PRCD: variants seen among roughly 807,000 people sequenced by gnomAD.
PRCD encodes photoreceptor disc component.
A neutral mutation model predicts 10.1 loss-of-function variants in PRCD; 12 were observed. That is an observed-to-expected ratio of 1.18 (90% CI 0.76 to 1.92). The LOEUF (loss-of-function observed/expected upper bound fraction) is 1.92, where lower values mean the gene tolerates loss of function less well. Ranked by LOEUF, PRCD falls within the 40% of genes most tolerant of loss-of-function variation. PRCD has a pLI of 0.00. For missense variants in PRCD, 61 were observed against 72.2 expected, an observed-to-expected ratio of 0.84 and a Z score of 0.56; for synonymous variants, 31 against 26.2, an observed-to-expected ratio of 1.18 and a Z score of -0.56.
At chr17:76,538,505 C>T, upstream of PRCD, 1 of 466,924 alleles carries the variant, frequency 2.1e-6, no homozygotes, top group Non-Finnish European at 4.4e-6. Flanking sequence ...ATGACACGGA[C>T]AGGCAAGAAC....
rs4648339 is a variant in PRCD at position 76,545,055 on chromosome 17, C to G, written c.*1405C>G. On this transcript the variant is annotated 3_prime_UTR_variant, in exon 5 of 5. Transcript: ENST00000592014. ...TGGGCAGCTGGGGTGCCATGTGGGC[C>G]GGGTGGGGGGGCTGTCTCCCCCAGG... 48 of 438,046 alleles carry G rather than the reference C, an allele frequency of 1.1e-4. No individual in the cohort carries two copies. Among genetic ancestry groups the G allele is most frequent in the Middle Eastern group, 5.0e-4 (1 of 2,000 alleles). 27.1% of individuals were successfully genotyped at this position (438,046 alleles called of 1,614,324 possible). A position where few individuals can be genotyped will look rare whatever the true frequency, so the allele number is the denominator to read the frequency against.
At position 76,531,384 on chromosome 17, in the gene PRCD, C is replaced by T. The variant is rs577119680; in HGVS notation, n.45+3551C>T. On this transcript the variant is annotated intron_variant and non_coding_transcript_variant, in intron 1 of 4. Transcript: ENST00000397633. This position sits in a 1 kb window ranked among gnomAD's most constrained non-coding sequence, Gnocchi z 7.4. ...GATCACCTCTGTTGCTCCAGAGAGC[C>T]GTCGCAGAGCCTGCGAGCTGCAGAT... 326 of 1,518,930 alleles carry T rather than the reference C, an allele frequency of 2.1e-4. No homozygotes were observed. Among genetic ancestry groups the T allele is most frequent in the Non-Finnish European group, 2.8e-4 (313 of 1,113,002 alleles). 94.1% of individuals were successfully genotyped at this position (1,518,930 alleles called of 1,614,324 possible).
rs1277433623 is a variant in PRCD, at chr17:76,540,249, G to GT, written c.74+35dup. On this transcript the variant is annotated intron_variant, in intron 1 of 4. Coordinates refer to ENST00000592014, the MANE Select transcript of PRCD (RefSeq NM_001077620.3). This position sits in a 1 kb window ranked among gnomAD's most constrained non-coding sequence, Gnocchi z 5.0. The stretch of plus-strand genomic sequence containing the variant: ...CTGACCGGGCTATGGCTGGCGGTTG[G>GT]TCGGGGGGGGGGGGCATGGGGCTGG... 1.2e-5 allele frequency: 17 copies of GT among 1,411,660 alleles called. No homozygotes were observed. Among genetic ancestry groups the GT allele is most frequent in the South Asian group, 6.3e-5 (5 of 79,398 alleles). The allele number at this position is 1,411,660 out of a possible 1,614,324, so 87.4% of individuals were successfully genotyped here.
upstream of PRCD, among the ~76,000 whole-genome samples, chr17:76,538,832 C>T (rs929221419): frequency 6.6e-6 from 1 of 152,270 alleles, no homozygotes; most frequent in African/African-American, 2.4e-5. Flanking sequence ...AGAGATGTCA[C>T]TCAGGCTCCC....
chr17:76,529,913 G>C (rs561667310), intron 1 of PRCD: 14 of 985,336 alleles, frequency 1.4e-5, no homozygotes, highest in African/African-American at 5.2e-5. Flanking sequence ...TGACGGGAGA[G>C]GGGGGAGGGG....
intron 1 of PRCD, chr17:76,529,232 C>T (rs2074804504): frequency 2.0e-6 from 2 of 985,458 alleles, no homozygotes; most frequent in African/African-American, 1.7e-5. Flanking sequence ...GGAGGCTCTG[C>T]AGGCTCAGGC....
upstream of PRCD, chr17:76,537,521 T>C (rs754976894): frequency 6.4e-7 from 1 of 1,570,554 alleles, no homozygotes; most frequent in Non-Finnish European, 8.6e-7. Context: ...TCGATCTCCA[T>C]CTCGCCTGGC....
At chr17:76,547,667 TCACA>T (rs1232013661), downstream of PRCD, among the ~76,000 whole-genome samples, 1 of 130,562 alleles carries the variant, frequency 7.7e-6, no homozygotes, top group Admixed American at 7.3e-5. Flanking sequence ...ACACACATAT[TCACA>T]CACAGAGACA....
In PRCD at chr17:76,540,665, G is replaced by T. The variant is rs905206727; in HGVS notation, c.143+92G>T. The T allele has an allele frequency of 2.0e-5, 25 of 1,273,934 alleles. No individual in the cohort carries two copies. The African/African-American group carries it at 3.4e-4, about 17-fold the overall frequency. The allele number at this position is 1,273,934 out of a possible 1,614,324, so 78.9% of individuals were successfully genotyped here. ...GGGGTGCACGTGTGTGCCTGTGCGCGCCTGTGCGTGCACCGTATCCTGGCC... is the reference window on the plus strand; with the variant it reads ...GGGGTGCACGTGTGTGCCTGTGCGCTCCTGTGCGTGCACCGTATCCTGGCC... On this transcript the variant is annotated intron_variant, in intron 2 of 4. Coordinates refer to ENST00000592014, the MANE Select transcript of PRCD (RefSeq NM_001077620.3). This position sits in a 1 kb window ranked among gnomAD's most constrained non-coding sequence, Gnocchi z 5.0.
Position 76,530,168 on chromosome 17 carries a change from G to A in PRCD, n.45+2335G>A, listed in dbSNP as rs1022930175. The A allele has an allele frequency of 3.8e-5, 33 of 876,508 alleles. No homozygotes were observed. Among genetic ancestry groups the A allele is most frequent in the Non-Finnish European group, 4.2e-5 (31 of 730,710 alleles). The allele number at this position is 876,508 out of a possible 1,614,324, so 54.3% of individuals were successfully genotyped here. A position where few individuals can be genotyped will look rare whatever the true frequency, so the allele number is the denominator to read the frequency against. On this transcript the variant is annotated intron_variant and non_coding_transcript_variant, in intron 1 of 4. Transcript: ENST00000397633. This position sits in a 1 kb window ranked among gnomAD's most constrained non-coding sequence, Gnocchi z 6.1. ...TGTCCCGGGCTGCTGGCTGACCTCT[G>A]CTTCCCATTCCCGCCTCCGCTCCTC...
At chr17:76,547,981 T>G (rs1437747777), downstream of PRCD, among the ~76,000 whole-genome samples, 1 of 148,508 alleles carries the variant, frequency 6.7e-6, no homozygotes, top group Admixed American at 6.7e-5. Context: ...AACATACACA[T>G]ACATACACAT....
rs1409634962 is a variant in PRCD, at chr17:76,540,204, C to G, written c.63C>G (p.Asn21Lys). The G allele has an allele frequency of 6.3e-7, 1 of 1,599,558 alleles. No individual in the cohort carries two copies. Among genetic ancestry groups the G allele is most frequent in the African/African-American group, 1.4e-5 (1 of 73,008 alleles). ...LAMLWRRRFANRVQPEPSDVD... is the reference protein window; with the variant it reads ...LAMLWRRRFAKRVQPEPSDVD... ...TGCTCTGGCGCCGCCGATTTGCCAA[C>G]CGAGTCCAACCGTGAGAAACTGACC... Residue 21 changes from asparagine to lysine, a missense_variant, in exon 1 of 5, where the codon AAC becomes AAG. Transcript: ENST00000592014. This position sits in a 1 kb window ranked among gnomAD's most constrained non-coding sequence, Gnocchi z 5.0.
chr17:76,527,970 A>G, intron 1 of PRCD: 1 of 372,126 alleles, frequency 2.7e-6, no homozygotes, highest in South Asian at 2.0e-5. Flanking sequence ...CTGCCCCTCC[A>G]GGCCCAGGTC....
rs761737758 is a variant in PRCD at position 76,531,682 on chromosome 17, C to A, written n.45+3849C>A. On this transcript the variant is annotated intron_variant and non_coding_transcript_variant, in intron 1 of 4. Transcript: ENST00000397633. The surrounding 1 kb of genome is among the most constrained non-coding windows in gnomAD (Gnocchi z 7.4). ...AGTACTGCTTGGCCGAGGGGAAGTT[C>A]ACAAAGAACCTGGCAAGAGGAACAG... The A allele has an allele frequency of 1.3e-6, 2 of 1,593,386 alleles. No individual in the cohort carries two copies. The highest frequency in any genetic ancestry group is 1.7e-6 in the Non-Finnish European group (2 of 1,163,478).
rs773905784 is a variant in PRCD, at chr17:76,543,756, G to C, written c.*153-47G>C. 4 of 469,944 alleles carry C rather than the reference G, an allele frequency of 8.5e-6. No homozygotes were observed. The East Asian group carries it at 2.1e-4, about 24-fold the overall frequency. 29.1% of individuals were successfully genotyped at this position (469,944 alleles called of 1,614,324 possible). The stretch of plus-strand genomic sequence containing the variant: ...ACTTGTGGTCCGAGGTGCTGGTGTC[G>C]GTTTGCCACAGTGGCACTCGCTTTT... On this transcript the variant is annotated intron_variant, in intron 4 of 4. Transcript: ENST00000592014.
chr17:76,545,710 A>G (rs1016251090), downstream of PRCD: 19 of 274,728 alleles, frequency 6.9e-5, no homozygotes, highest in African/African-American at 4.2e-4. Flanking sequence ...TCTGTCTCTT[A>G]GAGTTGTAAG....
chr17:76,548,212 T>C (rs962349512), downstream of PRCD, among the ~76,000 whole-genome samples: 4 of 151,426 alleles, frequency 2.6e-5, no homozygotes, highest in African/African-American at 9.7e-5. Context: ...TACAGACATA[T>C]ACACTTATAG....
chr17:76,539,988 C>G, upstream of PRCD: 1 of 763,726 alleles, frequency 1.3e-6, no homozygotes, highest in South Asian at 1.7e-5. Flanking sequence ...GTCGGGGCCG[C>G]TGACCCACTA....
At position 76,540,418 on chromosome 17, in the gene PRCD, A is replaced by G; in HGVS notation, c.75-87A>G. On this transcript the variant is annotated intron_variant, in intron 1 of 4. Coordinates refer to ENST00000592014, the MANE Select transcript of PRCD (RefSeq NM_001077620.3). The surrounding 1 kb of genome is among the most constrained non-coding windows in gnomAD (Gnocchi z 5.0). ...GGCTCTAGTTGCAGCCTCTACTCCC[A>G]TAGCCCAATGCGGCCTGGACCTGTG... 7 of 1,458,228 alleles carry G rather than the reference A, an allele frequency of 4.8e-6. No individual in the cohort carries two copies. The highest frequency in any genetic ancestry group is 6.7e-6 in the Non-Finnish European group (7 of 1,038,794). 90.3% of individuals were successfully genotyped at this position (1,458,228 alleles called of 1,614,324 possible). A position where few individuals can be genotyped will look rare whatever the true frequency, so the allele number is the denominator to read the frequency against.
Sources: allele counts gnomAD v4.1 joint callset (sites outside exome capture counted in the v4.1 genomes callset), GRCh38; gene constraint gnomAD v4.1.1; non-coding constraint Gnocchi (gnomAD v3.1); transcripts MANE v1.5; gene names NCBI Gene and HGNC (gene_info 2026-07-23, HGNC 2026-07-21).